ADK: variants seen among roughly 807,000 people sequenced by gnomAD.
ADK encodes the protein adenosine kinase.
A neutral mutation model predicts 44.7 loss-of-function variants in ADK; 24 were observed. The ratio of observed to expected loss-of-function variants is 0.54; its 90% confidence interval spans 0.39 to 0.76. ADK has a LOEUF of 0.76. Among genes scored for constraint, ADK ranks in the 30% least tolerant of loss-of-function variants. The pLI, the probability that ADK is intolerant of heterozygous loss-of-function variation, is 0.00. For missense variants in ADK, 321 were observed against 425.1 expected, an observed-to-expected ratio of 0.76 and a Z score of 2.15; for synonymous variants, 128 against 142.6, an observed-to-expected ratio of 0.90 and a Z score of 0.73.
chr10:74,634,956 C>A (rs980439542), intron 9 of ADK, among the ~76,000 whole-genome samples: 2 of 151,928 alleles, frequency 1.3e-5, no homozygotes, highest in African/African-American at 4.8e-5. Flanking sequence ...AGAAAAAAAA[C>A]CCACAAAAAC....
At chr10:74,525,603 C>T (rs995619187) in intron 7 of ADK, among the ~76,000 whole-genome samples, 177 bp downstream of exon 7, 1 of 151,986 alleles carries the variant, frequency 6.6e-6, no homozygotes, top group Non-Finnish European at 1.5e-5. Flanking sequence ...TTCAATATTT[C>T]CTTCAGTATA....
At chr10:74,273,470 T>C (rs552071554) in intron 3 of ADK, among the ~76,000 whole-genome samples, 3 of 152,088 alleles carry the variant, frequency 2.0e-5, no homozygotes, top group South Asian at 4.1e-4. Context: ...TTTTTTTTTT[T>C]CTTTGAGATG....
chr10:74,512,083 A>G lies in ADK; in HGVS notation c.556-13173A>G, dbSNP rs545950376. On this transcript the variant is annotated intron_variant, in intron 6 of 10. Coordinates refer to ENST00000539909, the MANE Select transcript of ADK (RefSeq NM_006721.4). ...TCATATGATTTTTGTCCTTCATTCTATTGATAGGATATAAGACATTCATTC... is the reference window on the plus strand; with the variant it reads ...TCATATGATTTTTGTCCTTCATTCTGTTGATAGGATATAAGACATTCATTC... 2.6e-5 allele frequency among the ~76,000 whole-genome samples: 4 copies of G among 152,270 alleles called. No individual in the cohort carries two copies. The South Asian group carries it at 6.2e-4, about 24-fold the overall frequency.
intron 6 of ADK, among the ~76,000 whole-genome samples, chr10:74,499,524 T>C (rs545891531): frequency 1.3e-5 from 2 of 152,066 alleles, no homozygotes; most frequent in African/African-American, 4.8e-5. Flanking sequence ...CCATCTCTAC[T>C]AAAAATACAA....
chr10:74,664,391 T>C (rs1440066308), intron 9 of ADK, among the ~76,000 whole-genome samples: 1 of 151,952 alleles, frequency 6.6e-6, no homozygotes, highest in African/African-American at 2.4e-5. Flanking sequence ...GCAATAACAG[T>C]GATAACCAGA....
chr10:74,595,221 A>C (rs943721445), intron 8 of ADK, among the ~76,000 whole-genome samples: 5 of 149,706 alleles, frequency 3.3e-5, no homozygotes, highest in Non-Finnish European at 7.4e-5. Context: ...TTTCAAAGTC[A>C]TATAGCTAAT....
At chr10:74,441,863 C>T (rs1845417062) in intron 6 of ADK, among the ~76,000 whole-genome samples, 2 of 152,066 alleles carry the variant, frequency 1.3e-5, no homozygotes, top group Admixed American at 6.5e-5. Flanking sequence ...AACTCAATAG[C>T]AGAAAACCCG....
At chr10:74,372,896 T>C (rs1842708163) in intron 4 of ADK, among the ~76,000 whole-genome samples, 1 of 152,132 alleles carries the variant, frequency 6.6e-6, no homozygotes, top group African/African-American at 2.4e-5. Context: ...AAAACAATCT[T>C]GAAAAAGACC....
chr10:74,543,206 A>G (rs114217859), intron 7 of ADK, among the ~76,000 whole-genome samples: 3,660 of 145,766 alleles, frequency 0.025, 139 homozygotes, highest in African/African-American at 0.079. Flanking sequence ...GGCCTATTTC[A>G]TTTAAAAAAA....
chr10:74,214,293 CT>C (rs1354808897), intron 2 of ADK, among the ~76,000 whole-genome samples: 1 of 151,856 alleles, frequency 6.6e-6, no homozygotes, highest in Non-Finnish European at 1.5e-5. Context: ...TTTTAATCAA[CT>C]TTTTTTTAAA....
intron 1 of ADK, among the ~76,000 whole-genome samples, chr10:74,185,731 G>C (rs895306035): frequency 6.9e-6 from 1 of 144,152 alleles, no homozygotes; most frequent in Non-Finnish European, 1.5e-5. Flanking sequence ...AGCTACTCGG[G>C]AGGCTGAGGC....
intron 5 of ADK, among the ~76,000 whole-genome samples, chr10:74,396,496 C>T (rs1843514272): frequency 2.0e-5 from 3 of 152,078 alleles, no homozygotes; most frequent in Non-Finnish European, 4.4e-5. Flanking sequence ...GTCGTGCTGC[C>T]CACTGCACTT....
chr10:74,676,130 T>C (rs1855382627), intron 10 of ADK, among the ~76,000 whole-genome samples: 1 of 152,176 alleles, frequency 6.6e-6, no homozygotes, highest in Non-Finnish European at 1.5e-5. Flanking sequence ...TTTTTTGTTT[T>C]GTTTTCGTTT....
At chr10:74,242,029 T>C (rs947986567) in intron 3 of ADK, among the ~76,000 whole-genome samples, 1 of 152,226 alleles carries the variant, frequency 6.6e-6, no homozygotes, top group Non-Finnish European at 1.5e-5. Flanking sequence ...TATATGCTGG[T>C]TCAGCTATCC....
chr10:74,585,208 G>C (rs1403569671), intron 7 of ADK, among the ~76,000 whole-genome samples: 1 of 152,142 alleles, frequency 6.6e-6, no homozygotes, highest in African/African-American at 2.4e-5. Context: ...TACCCTGGTT[G>C]CTGAAGCAGC....
chr10:74,231,611 G>A (rs1239224841), intron 3 of ADK, among the ~76,000 whole-genome samples: 1 of 150,470 alleles, frequency 6.6e-6, no homozygotes, highest in Non-Finnish European at 1.5e-5. Flanking sequence ...GACTACCACT[G>A]TGCACCACCA....
At chr10:74,329,632 T>G (rs1384840947) in intron 4 of ADK, among the ~76,000 whole-genome samples, 1 of 152,170 alleles carries the variant, frequency 6.6e-6, no homozygotes, top group East Asian at 1.9e-4. Context: ...ACTGGGAAAC[T>G]ATGGTTTTAG....
intron 1 of ADK, among the ~76,000 whole-genome samples, chr10:74,183,102 C>A (rs1261293155): frequency 6.6e-6 from 1 of 151,916 alleles, no homozygotes; most frequent in Non-Finnish European, 1.5e-5. Flanking sequence ...TGTAGTCCCA[C>A]CTTTGTATTT....
chr10:74,385,067 T>C (rs1452383012), intron 4 of ADK, among the ~76,000 whole-genome samples: 1 of 152,122 alleles, frequency 6.6e-6, no homozygotes, highest in African/African-American at 2.4e-5. Context: ...ATCCAATGGG[T>C]AGAGGTTTCT....
Sources: allele counts gnomAD v4.1 joint callset (sites outside exome capture counted in the v4.1 genomes callset), GRCh38; gene constraint gnomAD v4.1.1; transcripts MANE v1.5; gene names NCBI Gene and HGNC (gene_info 2026-07-23, HGNC 2026-07-21).